The following DAB2IP variants were observed in gnomAD, a reference collection of about 807,000 sequenced individuals.
The protein encoded by DAB2IP is disabled homolog 2-interacting protein.
Under a neutral mutation model 107.2 loss-of-function variants are expected in DAB2IP, and 28 were observed. The ratio of observed to expected loss-of-function variants is 0.26; its 90% CI spans 0.19 to 0.36. The LOEUF (loss-of-function observed/expected upper bound fraction) is 0.36. Ranked by LOEUF, DAB2IP falls within the 10% of genes least tolerant of loss-of-function variation. The pLI is 1.00. For synonymous variants in DAB2IP, 755 were observed against 706.4 expected, an observed-to-expected ratio of 1.07 and a Z score of -1.09; for missense variants, 1,400 against 1,644.7, an observed-to-expected ratio of 0.85 and a Z score of 2.57.
chr9:121,772,760 G>A lies in DAB2IP; in HGVS notation c.2232G>A (p.Lys744=). Residue 744 remains lysine (K), a synonymous_variant, in exon 12 of 16, where the codon AAG becomes AAA. Transcript: ENST00000408936. The surrounding 1 kb of genome is among the most constrained non-coding windows in gnomAD (Gnocchi z 4.7). Reference sequence around the variant, plus strand: ...ATCTTCAGATGGCCAACGGTGGCAAGAGCCTCTCCATGGTGGACCTCCAGG... The same window carrying A: ...ATCTTCAGATGGCCAACGGTGGCAAAAGCCTCTCCATGGTGGACCTCCAGG... 6.2e-7 allele frequency: 1 copy of A among 1,613,862 alleles called. No individual in the cohort carries two copies. The highest frequency in any genetic ancestry group is 8.5e-7 in the Non-Finnish European group (1 of 1,179,986).
chr9:121,670,927 A>C (rs890827155), intron 1 of DAB2IP, among the ~76,000 whole-genome samples: 12 of 152,112 alleles, frequency 7.9e-5, no homozygotes, highest in African/African-American at 2.7e-4. Flanking sequence ...CCGAGGCAGG[A>C]GGATCGCGAG....
intron 3 of DAB2IP, among the ~76,000 whole-genome samples, chr9:121,714,955 G>A (rs1830518312): frequency 1.3e-5 from 2 of 152,250 alleles, no homozygotes; most frequent in Non-Finnish European, 2.9e-5. Context: ...TAACCCTCCA[G>A]CCATCCTAAG....
chr9:121,577,577 T>G (rs908843208), intron 1 of DAB2IP, among the ~76,000 whole-genome samples: 1 of 151,984 alleles, frequency 6.6e-6, no homozygotes, highest in Admixed American at 6.5e-5. Context: ...CCAGAAAGAG[T>G]TGGTCTGTGC....
At chr9:121,761,861 G>C (rs960163707) in intron 6 of DAB2IP, among the ~76,000 whole-genome samples, 2 of 152,138 alleles carry the variant, frequency 1.3e-5, no homozygotes, top group Non-Finnish European at 2.9e-5. Context: ...GGCTGCAGAG[G>C]CTGCATTATT....
At chr9:121,607,831 C>T (rs1830935495) in intron 1 of DAB2IP, among the ~76,000 whole-genome samples, 1 of 152,208 alleles carries the variant, frequency 6.6e-6, no homozygotes, top group Admixed American at 6.5e-5. Flanking sequence ...TTCTCAGCAT[C>T]TTTGGTGACC....
exon 16 of DAB2IP, chr9:121,784,667 T>A (rs1041893338): frequency 6.5e-6 from 1 of 155,012 alleles, no homozygotes; most frequent in Non-Finnish European, 1.5e-5. Context: ...TATCCTTTGG[T>A]CCTGGTGCTG....
chr9:121,723,797 G>T (rs771292175), intron 3 of DAB2IP, among the ~76,000 whole-genome samples: 161 of 152,178 alleles, frequency 1.1e-3, no homozygotes, highest in Non-Finnish European at 1.4e-3. Context: ...GCATGGTGAA[G>T]ATTTGTCTAC....
intron 3 of DAB2IP, among the ~76,000 whole-genome samples, chr9:121,718,979 C>G (rs1830769460): frequency 6.6e-6 from 1 of 152,190 alleles, no homozygotes; most frequent in Admixed American, 6.5e-5. Flanking sequence ...TGGGTCCACT[C>G]CACCTGGTAG....
At chr9:121,706,467 C>T (rs939388933) in intron 3 of DAB2IP, among the ~76,000 whole-genome samples, 16 of 152,184 alleles carry the variant, frequency 1.1e-4, no homozygotes, top group African/African-American at 1.9e-4. Flanking sequence ...TCTGAGTTCG[C>T]GGTGGAGTCA....
intron 1 of DAB2IP, among the ~76,000 whole-genome samples, chr9:121,595,424 C>T (rs973263241): frequency 4.6e-5 from 6 of 129,638 alleles, no homozygotes; most frequent in African/African-American, 1.5e-4. Context: ...GAGACCTTAT[C>T]TCTACAACAA....
intron 3 of DAB2IP, among the ~76,000 whole-genome samples, chr9:121,704,746 T>C (rs1472357982): frequency 2.0e-5 from 3 of 152,208 alleles, no homozygotes; most frequent in African/African-American, 4.8e-5. Context: ...TAATTCCTAA[T>C]CCTATCATTC....
At chr9:121,695,038 C>G (rs1829350551) in intron 2 of DAB2IP, among the ~76,000 whole-genome samples, 1 of 152,172 alleles carries the variant, frequency 6.6e-6, no homozygotes, top group Non-Finnish European at 1.5e-5. Flanking sequence ...GACATCAGTC[C>G]TTGCTCCAGT....
chr9:121,652,003 C>CG, intron 1 of DAB2IP, 104 bp downstream of exon 1: 1 of 1,057,296 alleles, frequency 9.5e-7, no homozygotes, highest in Non-Finnish European at 1.2e-6. Context: ...AGCCATTTGC[C>CG]GGGGGTTTCC....
chr9:121,593,108 A>G (rs1033888256), intron 1 of DAB2IP, among the ~76,000 whole-genome samples: 3 of 152,294 alleles, frequency 2.0e-5, no homozygotes, highest in Non-Finnish European at 2.9e-5. Context: ...TAATTGAGAC[A>G]GGGTCTTGTC....
chr9:121,685,586 G>A (rs1828832620), intron 2 of DAB2IP, among the ~76,000 whole-genome samples: 1 of 152,268 alleles, frequency 6.6e-6, no homozygotes, highest in Non-Finnish European at 1.5e-5. Context: ...GTAGGGGCAG[G>A]AGCCCAGCTC....
intron 1 of DAB2IP, among the ~76,000 whole-genome samples, chr9:121,643,444 T>G (rs1832430516): frequency 6.6e-6 from 1 of 151,942 alleles, no homozygotes; most frequent in Non-Finnish European, 1.5e-5. Context: ...CACCCCAACT[T>G]GGTTCTATCT....
chr9:121,610,078 GTA>G (rs1831037871), intron 1 of DAB2IP, among the ~76,000 whole-genome samples: 2 of 133,232 alleles, frequency 1.5e-5, no homozygotes, highest in East Asian at 4.5e-4. Context: ...GTGTGTGTGT[GTA>G]TAAGAAAAAC....
exon 10 of DAB2IP, chr9:121,768,517 A>G (rs2118997665): frequency 6.2e-7 from 1 of 1,614,100 alleles, no homozygotes; most frequent in East Asian, 2.2e-5. Flanking sequence ...CCTGCTGGAG[A>G]TCTCCAACCC....
At chr9:121,681,502 G>A (rs181556008) in intron 2 of DAB2IP, among the ~76,000 whole-genome samples, 5 of 152,222 alleles carry the variant, frequency 3.3e-5, no homozygotes, top group South Asian at 2.1e-4. Context: ...CCACCTGCCC[G>A]GTTAGGGTCT....
Sources: gnomAD v4.1 joint callset for allele counts (sites outside exome capture counted in the v4.1 genomes callset) on GRCh38, gnomAD v4.1.1 for gene constraint, Gnocchi (gnomAD v3.1) non-coding constraint, MANE v1.5 for transcripts, NCBI Gene and HGNC (gene_info 2026-07-23, HGNC 2026-07-21) for gene names.